Variants in MAN1A1 observed in about 807,000 individuals in gnomAD.
MAN1A1 encodes mannosidase alpha class 1A member 1, also known as mannosyl-oligosaccharide 1,2-alpha-mannosidase IA.
In MAN1A1, 29 loss-of-function variants were observed where a neutral mutation model predicts 70.8. The ratio of observed to expected loss-of-function variants is 0.41; its 90% CI spans 0.31 to 0.56. The LOEUF is 0.56. Ranked by LOEUF, MAN1A1 falls within the 20% of genes least tolerant of loss-of-function variation. The pLI is 0.29. For synonymous variants in MAN1A1, 349 were observed against 330.1 expected (o/e 1.06, Z -0.62); for missense variants, 747 against 841.3 (o/e 0.89, Z 1.39).
At chr6:119,225,108 C>T (rs530263975) in intron 6 of MAN1A1, among the ~76,000 whole-genome samples, 57 of 152,132 alleles carry the variant, frequency 3.7e-4, no homozygotes, top group African/African-American at 1.3e-3. Flanking sequence ...TGCGCCACTA[C>T]ACTCCAGCCT....
At chr6:119,242,134 G>GACAGACACACACACACAC (rs1554207759) in intron 6 of MAN1A1, among the ~76,000 whole-genome samples, 36 of 150,632 alleles carry the variant, frequency 2.4e-4, no homozygotes, top group South Asian at 6.3e-4. Context: ...CAGACAGACA[G>GACAGACACACACACACAC]ACACACACAC....
chr6:119,337,554 G>A (rs1023842817), intron 2 of MAN1A1, among the ~76,000 whole-genome samples: 2 of 152,150 alleles, frequency 1.3e-5, no homozygotes, highest in Admixed American at 6.5e-5. Context: ...TGGAAGGGAC[G>A]GACGACTGCA....
chr6:119,223,382 A>C (rs1480000982), intron 6 of MAN1A1, among the ~76,000 whole-genome samples: 15 of 152,052 alleles, frequency 9.9e-5, no homozygotes, highest in Admixed American at 9.8e-4. Flanking sequence ...ACACCACCAA[A>C]TCTCATAAGT....
chr6:119,301,936 T>C (rs1562233288), intron 4 of MAN1A1, 52 bp downstream of exon 4: 3 of 969,924 alleles, frequency 3.1e-6, no homozygotes, highest in South Asian at 1.4e-5. Flanking sequence ...ACAGAATTTA[T>C]CCATGTTAAC....
intron 5 of MAN1A1, among the ~76,000 whole-genome samples, chr6:119,278,205 C>T (rs1396226692): frequency 7.2e-6 from 1 of 139,734 alleles, no homozygotes; most frequent in African/African-American, 2.7e-5. Flanking sequence ...CACAGCACCA[C>T]AATCAAACTG....
intron 4 of MAN1A1, among the ~76,000 whole-genome samples, chr6:119,293,401 C>T (rs1169051318): frequency 6.6e-6 from 1 of 152,074 alleles, no homozygotes; most frequent in Non-Finnish European, 1.5e-5. Context: ...CTTGCTATGG[C>T]TTTGGATTTC....
At chr6:119,311,105 A>G (rs1056467323) in intron 2 of MAN1A1, among the ~76,000 whole-genome samples, 1 of 152,214 alleles carries the variant, frequency 6.6e-6, no homozygotes. Context: ...ATGTGAATAA[A>G]AACACCTCAC....
Position 119,316,524 on chromosome 6 carries a change from C to T in MAN1A1, c.604-9532G>A, listed in dbSNP as rs182982626. ...TGCTCCCTTAATATCCTAAGGAGAG[C>T]TAAAAAAGTGTGCCATAGAAAACAA... On this transcript the variant is annotated intron_variant, in intron 2 of 12. Transcript: ENST00000368468. 3.7e-4 allele frequency among the ~76,000 whole-genome samples: 57 copies of T among 152,062 alleles called. No individual in the cohort carries two copies. In the Middle Eastern group the frequency reaches 0.014, roughly 36 times the overall value.
chr6:119,234,477 A>C (rs1774784632), intron 6 of MAN1A1, among the ~76,000 whole-genome samples: 1 of 152,070 alleles, frequency 6.6e-6, no homozygotes, highest in South Asian at 2.1e-4. Flanking sequence ...GCAGTCTTAC[A>C]ATCATGGCTC....
chr6:119,227,635 AT>A (rs1484319614), intron 6 of MAN1A1, among the ~76,000 whole-genome samples: 2 of 152,126 alleles, frequency 1.3e-5, no homozygotes, highest in Non-Finnish European at 2.9e-5. Flanking sequence ...ATGAGCAGCT[AT>A]TTTTAAATGT....
intron 6 of MAN1A1, among the ~76,000 whole-genome samples, chr6:119,212,428 G>A (rs1447661014): frequency 7.2e-5 from 11 of 152,134 alleles, no homozygotes; most frequent in African/African-American, 1.2e-4. Context: ...GCACTTCGGG[G>A]ATGCATCTTG....
chr6:119,186,798 C>T (rs752656468), intron 11 of MAN1A1, among the ~76,000 whole-genome samples: 20 of 152,116 alleles, frequency 1.3e-4, no homozygotes, highest in African/African-American at 3.6e-4. Context: ...AGGGGAAAAA[C>T]GTGCGGCCAT....
At position 119,349,222 on chromosome 6, in the gene MAN1A1, G is replaced by A. The variant is rs770266303; in HGVS notation, c.-157C>T. The A allele has an allele frequency of 3.3e-6, 4 of 1,214,102 alleles. No homozygotes were observed. Among genetic ancestry groups the A allele is most frequent in the Non-Finnish European group, 2.0e-6 (2 of 977,188 alleles). 75.2% of individuals were successfully genotyped at this position (1,214,102 alleles called of 1,614,324 possible). A position where few individuals can be genotyped will look rare whatever the true frequency, so the allele number is the denominator to read the frequency against. On this transcript the variant is annotated 5_prime_UTR_variant, in exon 2 of 13. Coordinates refer to ENST00000368468, the MANE Select transcript of MAN1A1 (RefSeq NM_005907.4). ...CTCCCTGGGGGAACAACTCCGCGCC[G>A]GGTCTTCTCCCCGGGGCGGCTCCTC...
chr6:119,211,995 C>T (rs1156497975), intron 6 of MAN1A1, among the ~76,000 whole-genome samples: 1 of 151,886 alleles, frequency 6.6e-6, no homozygotes, highest in African/African-American at 2.4e-5. Context: ...TGCCCACCAC[C>T]ATGCCTGGCT....
chr6:119,319,011 T>A (rs1012560228), intron 2 of MAN1A1, among the ~76,000 whole-genome samples: 8 of 152,352 alleles, frequency 5.3e-5, no homozygotes, highest in African/African-American at 1.9e-4. Flanking sequence ...CAATATCAGA[T>A]TTCTCATTAA....
At chr6:119,219,518 G>T (rs1052142635) in intron 6 of MAN1A1, among the ~76,000 whole-genome samples, 5 of 151,918 alleles carry the variant, frequency 3.3e-5, no homozygotes, top group African/African-American at 1.2e-4. Context: ...AAACTACAGG[G>T]ATTAGTCCAG....
intron 2 of MAN1A1, among the ~76,000 whole-genome samples, chr6:119,321,761 G>T (rs953303440): frequency 5.3e-5 from 8 of 151,918 alleles, no homozygotes; most frequent in African/African-American, 1.9e-4. Flanking sequence ...GGGACTACAG[G>T]CATGTACCAC....
At chr6:119,298,720 C>A (rs940238832) in intron 4 of MAN1A1, among the ~76,000 whole-genome samples, 5 of 151,938 alleles carry the variant, frequency 3.3e-5, no homozygotes, top group Admixed American at 3.3e-4. Flanking sequence ...CCTCAGCCCC[C>A]CAAGTAGCTG....
intron 2 of MAN1A1, among the ~76,000 whole-genome samples, chr6:119,310,490 C>T (rs1765307736): frequency 6.6e-6 from 1 of 152,236 alleles, no homozygotes; most frequent in East Asian, 1.9e-4. Flanking sequence ...TGAACCAGGG[C>T]CTGGTGCCCA....
Sources: gnomAD v4.1 joint callset for allele counts (sites outside exome capture counted in the v4.1 genomes callset) on GRCh38, gnomAD v4.1.1 for gene constraint, MANE v1.5 for transcripts, NCBI Gene and HGNC (gene_info 2026-07-23, HGNC 2026-07-21) for gene names.